Variants in MGMT observed in about 807,000 individuals in gnomAD.
MGMT encodes the protein O-6-methylguanine-DNA methyltransferase, also known as methylated-DNA--protein-cysteine methyltransferase.
In MGMT, 14 loss-of-function variants were observed where a neutral mutation model predicts 15.9. The ratio of observed to expected loss-of-function variants is 0.88; its 90% confidence interval spans 0.58 to 1.37. The LOEUF (loss-of-function observed/expected upper bound fraction) is 1.37. MGMT is among the 40% of genes most tolerant of loss of function. The pLI, the probability that MGMT is intolerant of heterozygous loss-of-function variation, is 0.00. For synonymous variants in MGMT, 130 were observed against 118.2 expected, an observed-to-expected ratio of 1.10 and a Z score of -0.65; for missense variants, 282 against 268.1, an observed-to-expected ratio of 1.05 and a Z score of -0.36.
chr10:129,650,429 G>A (rs1847443655), intron 2 of MGMT, among the ~76,000 whole-genome samples: 2 of 152,138 alleles, frequency 1.3e-5, no homozygotes, highest in East Asian at 3.9e-4. Context: ...CTTACCTTTG[G>A]GCTTCCAGAA....
intron 2 of MGMT, among the ~76,000 whole-genome samples, chr10:129,643,577 C>T (rs1286124005): frequency 3.3e-5 from 5 of 152,164 alleles, no homozygotes; most frequent in African/African-American, 1.2e-4. Context: ...GACAAGGACC[C>T]ACACATGCTA....
intron 2 of MGMT, among the ~76,000 whole-genome samples, chr10:129,570,962 T>G (rs1212421074): frequency 6.6e-6 from 1 of 152,228 alleles, no homozygotes; most frequent in East Asian, 1.9e-4. Context: ...CCCTATATCC[T>G]TGGTTATATG....
chr10:129,522,381 GT>G (rs1217626237), intron 1 of MGMT, among the ~76,000 whole-genome samples: 1 of 152,198 alleles, frequency 6.6e-6, no homozygotes, highest in Non-Finnish European at 1.5e-5. Flanking sequence ...GAAAGCTACT[GT>G]TCCTTTCCTG....
intron 1 of MGMT, among the ~76,000 whole-genome samples, chr10:129,494,195 C>A (rs191355432): frequency 9.8e-5 from 15 of 152,330 alleles, no homozygotes; most frequent in Non-Finnish European, 2.1e-4. Flanking sequence ...TAGCCAGCCT[C>A]TTAGTTTCCT....
At chr10:129,550,301 A>T (rs1001636811) in intron 2 of MGMT, among the ~76,000 whole-genome samples, 1 of 149,086 alleles carries the variant, frequency 6.7e-6, no homozygotes, top group Admixed American at 6.7e-5. Context: ...GGCATGTTTC[A>T]CAGTGTTCCG....
rs1464646819 is a variant in MGMT, at chr10:129,560,401, G to T, written c.125+24024G>T. ...TCTGTGGTAGACACAGCTCCAGGCA[G>T]TAATGCATTTCCAAGCGAATGAATG... is the stretch of plus-strand genomic sequence containing the variant. On this transcript the variant is annotated intron_variant, in intron 2 of 4. Coordinates refer to ENST00000651593, the MANE Select transcript of MGMT (RefSeq NM_002412.5). Among the ~76,000 whole-genome samples, 3 of 152,196 alleles carry T rather than the reference G, an allele frequency of 2.0e-5. No homozygotes were observed. In the East Asian group the frequency reaches 5.8e-4, roughly 29 times the overall value.
intron 3 of MGMT, among the ~76,000 whole-genome samples, chr10:129,723,035 T>A (rs975625210): frequency 6.8e-6 from 1 of 148,106 alleles, no homozygotes; most frequent in Admixed American, 6.7e-5. Flanking sequence ...AAAAAAAGTC[T>A]TGTCAACTAA....
At position 129,769,641 on chromosome 10, in the gene MGMT, G is replaced by A. The variant is rs1848979123; in HGVS notation, c.*2644G>A. Among the ~76,000 whole-genome samples the A allele has an allele frequency of 1.3e-5, 2 of 152,104 alleles. No homozygotes were observed. The highest frequency in any genetic ancestry group is 2.4e-5 in the African/African-American group (1 of 41,422). The stretch of plus-strand genomic sequence containing the variant: ...CTTGTTTTTGCAGAACCACACTTGT[G>A]GCAAAATAAGTTGCCTTTGGCCACG... On this transcript the variant is annotated 3_prime_UTR_variant, in exon 5 of 5. Coordinates refer to ENST00000651593, the MANE Select transcript of MGMT (RefSeq NM_002412.5).
intron 2 of MGMT, among the ~76,000 whole-genome samples, chr10:129,584,802 C>T (rs1846600135): frequency 6.6e-6 from 1 of 152,194 alleles, no homozygotes; most frequent in Non-Finnish European, 1.5e-5. Context: ...CTCCACGCTC[C>T]AGCATGTGTC....
chr10:129,707,404 G>T (rs938942840), intron 2 of MGMT, among the ~76,000 whole-genome samples: 2 of 151,852 alleles, frequency 1.3e-5, no homozygotes, highest in Admixed American at 1.3e-4. Context: ...GCCCTCTGGA[G>T]CGTGGGAATC....
At chr10:129,521,905 C>T (rs896948677) in intron 1 of MGMT, among the ~76,000 whole-genome samples, 5 of 152,236 alleles carry the variant, frequency 3.3e-5, no homozygotes, top group Non-Finnish European at 7.3e-5. Flanking sequence ...GAACATCCCT[C>T]TGCTGTTTGC....
chr10:129,716,135 C>T (rs920829939), intron 3 of MGMT, among the ~76,000 whole-genome samples: 3 of 152,126 alleles, frequency 2.0e-5, no homozygotes, highest in African/African-American at 2.4e-5. Flanking sequence ...AATTGAAGAA[C>T]GAAATCGAGG....
In MGMT at chr10:129,544,418, C is replaced by G. The variant is rs1468227125; in HGVS notation, c.125+8041C>G. ...CTGCGGCTTTCACCCTCAGGAAGCC[C>G]CAGCATGGCCTTGGGCCCAGCTTAG... On this transcript the variant is annotated intron_variant, in intron 2 of 4. Coordinates refer to ENST00000651593, the MANE Select transcript of MGMT (RefSeq NM_002412.5). 2.0e-5 allele frequency among the ~76,000 whole-genome samples: 3 copies of G among 152,366 alleles called. No individual in the cohort carries two copies. The South Asian group carries it at 6.2e-4, about 32-fold the overall frequency.
chr10:129,531,428 C>A (rs1564844119), intron 1 of MGMT, among the ~76,000 whole-genome samples: 1 of 152,040 alleles, frequency 6.6e-6, no homozygotes, highest in Non-Finnish European at 1.5e-5. Context: ...TTTCTCACTG[C>A]CTGATTTCTG....
chr10:129,745,618 A>G (rs1482034262), intron 3 of MGMT, among the ~76,000 whole-genome samples: 1 of 152,204 alleles, frequency 6.6e-6, no homozygotes, highest in African/African-American at 2.4e-5. Context: ...CCGTGTGGGT[A>G]TATCTCCATT....
intron 3 of MGMT, among the ~76,000 whole-genome samples, chr10:129,741,444 C>T (rs1478913886): frequency 6.6e-6 from 1 of 152,186 alleles, no homozygotes; most frequent in Admixed American, 6.5e-5. Flanking sequence ...CTGAGGGCTC[C>T]CCTGCATGGG....
At chr10:129,609,508 A>G (rs1286873800) in intron 2 of MGMT, among the ~76,000 whole-genome samples, 1 of 152,188 alleles carries the variant, frequency 6.6e-6, no homozygotes, top group Non-Finnish European at 1.5e-5. Context: ...CCTAGGCGGT[A>G]GGTGTTGCCA....
At chr10:129,625,918 C>A (rs536674) in intron 2 of MGMT, among the ~76,000 whole-genome samples, 151,444 of 152,342 alleles carry the variant, frequency 0.99, 75,278 homozygotes, top group Middle Eastern at 1. Context: ...ATTTGCAGTT[C>A]TTTTCAACTT....
intron 2 of MGMT, among the ~76,000 whole-genome samples, chr10:129,621,371 T>G (rs1847088626): frequency 6.6e-6 from 1 of 152,254 alleles, no homozygotes; most frequent in African/African-American, 2.4e-5. Context: ...TGTGACTTTT[T>G]CCTTTAAACA....
Sources: gnomAD v4.1 joint callset for allele counts (sites outside exome capture counted in the v4.1 genomes callset) on GRCh38, gnomAD v4.1.1 for gene constraint, MANE v1.5 for transcripts, NCBI Gene and HGNC (gene_info 2026-07-23, HGNC 2026-07-21) for gene names.